The following NPAS3 variants were observed in gnomAD, a reference collection of about 807,000 sequenced individuals.
The protein encoded by NPAS3 is neuronal PAS domain protein 3, also known as neuronal PAS domain-containing protein 3.
Under a neutral mutation model 73.1 loss-of-function variants are expected in NPAS3, and 14 were observed. The observed-to-expected ratio is 0.19, with a 90% CI of 0.13 to 0.30. The LOEUF is 0.30. Among genes scored for constraint, NPAS3 ranks in the 10% least tolerant of loss-of-function variants. The pLI is 1.00. For synonymous variants in NPAS3, 620 were observed against 541.5 expected (o/e 1.14, Z -2.01); for missense variants, 1,096 against 1,250.0 (o/e 0.88, Z 1.86).
At chr14:33,344,142 A>G (rs2044621343) in intron 3 of NPAS3, among the ~76,000 whole-genome samples, 1 of 152,178 alleles carries the variant, frequency 6.6e-6, no homozygotes, top group African/African-American at 2.4e-5. Context: ...TGAGCACATT[A>G]CCTGCCCCCA....
At chr14:33,451,319 G>A (rs1006373401) in intron 4 of NPAS3, among the ~76,000 whole-genome samples, 9 of 152,190 alleles carry the variant, frequency 5.9e-5, no homozygotes, top group Non-Finnish European at 1.3e-4. Context: ...AAAGTCTCTA[G>A]GCACTTTTAG....
intron 2 of NPAS3, among the ~76,000 whole-genome samples, chr14:33,061,190 G>T (rs2041086057): frequency 6.6e-6 from 1 of 152,178 alleles, no homozygotes; most frequent in Non-Finnish European, 1.5e-5. Flanking sequence ...CACCTATGCT[G>T]AAGAAAAGGG....
chr14:33,145,192 C>A (rs964235907), intron 2 of NPAS3, among the ~76,000 whole-genome samples: 2 of 152,078 alleles, frequency 1.3e-5, no homozygotes, highest in African/African-American at 4.8e-5. Flanking sequence ...AAACCTTTAC[C>A]CAGAGTATGT....
At chr14:33,659,368 C>T (rs1349843246) in intron 5 of NPAS3, among the ~76,000 whole-genome samples, 3 of 152,178 alleles carry the variant, frequency 2.0e-5, no homozygotes, top group East Asian at 3.8e-4. Flanking sequence ...TGACCAGTGC[C>T]TTCTATTAGG....
At chr14:33,284,245 G>A (rs192519244) in intron 3 of NPAS3, among the ~76,000 whole-genome samples, 21 of 152,074 alleles carry the variant, frequency 1.4e-4, no homozygotes, top group African/African-American at 4.3e-4. Context: ...TGGATACCTC[G>A]CATACCCTCA....
intron 4 of NPAS3, among the ~76,000 whole-genome samples, chr14:33,523,305 T>C (rs913258071): frequency 6.6e-6 from 1 of 151,926 alleles, no homozygotes. Context: ...ACCAAACATC[T>C]TAGGAATAGT....
chr14:33,331,451 C>T (rs542875177), intron 3 of NPAS3, among the ~76,000 whole-genome samples: 44 of 152,232 alleles, frequency 2.9e-4, no homozygotes, highest in Non-Finnish European at 2.1e-4. Flanking sequence ...TCCTTAGGGA[C>T]CATTGGACTA....
chr14:33,696,211 G>A (rs757733406), intron 6 of NPAS3, among the ~76,000 whole-genome samples: 43 of 152,106 alleles, frequency 2.8e-4, no homozygotes, highest in South Asian at 1.2e-3. Context: ...TATATTTAGC[G>A]TTTGCTCACC....
At chr14:33,739,179 T>C (rs1366020010) in intron 7 of NPAS3, among the ~76,000 whole-genome samples, 1 of 152,194 alleles carries the variant, frequency 6.6e-6, no homozygotes, top group Non-Finnish European at 1.5e-5. Flanking sequence ...CTCTTCACAG[T>C]GGTGAAATCT....
chr14:33,712,899 G>A (rs1416910602), intron 6 of NPAS3, among the ~76,000 whole-genome samples: 1 of 152,078 alleles, frequency 6.6e-6, no homozygotes, highest in East Asian at 1.9e-4. Context: ...GAAATTAGAG[G>A]ATTCATTCTA....
intron 3 of NPAS3, among the ~76,000 whole-genome samples, chr14:33,292,724 G>T (rs11156785): frequency 6.6e-6 from 1 of 151,884 alleles, no homozygotes; most frequent in South Asian, 2.1e-4. Context: ...GGGGGAGTCC[G>T]CATTCAACTC....
intron 7 of NPAS3, among the ~76,000 whole-genome samples, chr14:33,742,742 T>C (rs116900610): frequency 8.5e-5 from 13 of 152,354 alleles, no homozygotes; most frequent in Non-Finnish European, 1.5e-4. Flanking sequence ...TGATAATATT[T>C]TTCCTACAGT....
At chr14:33,579,738 G>A (rs898797486) in intron 5 of NPAS3, among the ~76,000 whole-genome samples, 2 of 151,968 alleles carry the variant, frequency 1.3e-5, no homozygotes, top group East Asian at 1.9e-4. Context: ...CTTAAATTGG[G>A]AGTATCAAAA....
chr14:33,766,945 G>A (rs978038830), intron 7 of NPAS3, among the ~76,000 whole-genome samples: 6 of 152,144 alleles, frequency 3.9e-5, no homozygotes, highest in Non-Finnish European at 7.4e-5. Flanking sequence ...TATAGTTTTA[G>A]TTGTAAAGTC....
chr14:33,563,791 G>A (rs753599608), intron 5 of NPAS3, among the ~76,000 whole-genome samples: 29 of 152,106 alleles, frequency 1.9e-4, no homozygotes, highest in Non-Finnish European at 3.8e-4. Flanking sequence ...TGACAGCTCT[G>A]CTTTCTAGCT....
intron 4 of NPAS3, among the ~76,000 whole-genome samples, chr14:33,531,576 C>T (rs1353587373): frequency 1.3e-5 from 2 of 152,076 alleles, no homozygotes; most frequent in African/African-American, 4.8e-5. Flanking sequence ...TCTGTTCAAC[C>T]ATTGAAGGAC....
At chr14:33,235,725 C>T (rs1001772712) in intron 3 of NPAS3, among the ~76,000 whole-genome samples, 2 of 151,218 alleles carry the variant, frequency 1.3e-5, no homozygotes, top group Non-Finnish European at 2.9e-5. Context: ...TTATCACTCT[C>T]AGAGACACAG....
At chr14:32,968,115 CA>C (rs1441814495) in intron 1 of NPAS3, among the ~76,000 whole-genome samples, 1 of 151,902 alleles carries the variant, frequency 6.6e-6, no homozygotes, top group Non-Finnish European at 1.5e-5. Flanking sequence ...AGAGGTTGGT[CA>C]GGGGTGCAGA....
chr14:33,284,762 CTATATCTA>C lies in NPAS3; in HGVS notation c.385+69338_385+69345del, dbSNP rs1466609797. Among the ~76,000 whole-genome samples the C allele has an allele frequency of 1.2e-4, 14 of 119,836 alleles. No homozygotes were observed. In the South Asian group the frequency reaches 2.0e-3, roughly 17 times the overall value. The allele number at this position is 119,836 out of a possible 152,430, so 78.6% of individuals were successfully genotyped here. A position where few individuals can be genotyped will look rare whatever the true frequency, so the allele number is the denominator to read the frequency against. On this transcript the variant is annotated intron_variant, in intron 3 of 11. Coordinates refer to ENST00000356141, the Ensembl canonical transcript of NPAS3. The stretch of plus-strand genomic sequence containing the variant: ...ATATTTCATATCTATATATCTATAT[CTATATCTA>C]TCTATCTATCTATCTATCTATCTAT...
Sources: gnomAD v4.1 joint callset for allele counts (sites outside exome capture counted in the v4.1 genomes callset) on GRCh38, gnomAD v4.1.1 for gene constraint, MANE v1.5 for transcripts, NCBI Gene and HGNC (gene_info 2026-07-23, HGNC 2026-07-21) for gene names.